Variants in CAMKMT observed in about 807,000 individuals in gnomAD.
CAMKMT encodes the protein calmodulin-lysine N-methyltransferase, also known as CaM KMT.
In CAMKMT, 53 loss-of-function variants were observed where a neutral mutation model predicts 48.0. That is an observed-to-expected ratio of 1.10 (90% CI 0.89 to 1.39). CAMKMT has a LOEUF of 1.39. CAMKMT is among the 40% of genes most tolerant of loss of function. The pLI is 0.00. For synonymous variants in CAMKMT, 165 were observed against 152.3 expected (o/e 1.08, Z -0.61); for missense variants, 428 against 402.7 (o/e 1.06, Z -0.54).
intron 3 of CAMKMT, among the ~76,000 whole-genome samples, chr2:44,493,019 G>A (rs1032693956): frequency 6.6e-6 from 1 of 151,566 alleles, no homozygotes; most frequent in Admixed American, 6.6e-5. Flanking sequence ...TCAGCCTCCT[G>A]AGTAGCTGGG....
At chr2:44,494,100 T>C (rs1435232637) in intron 3 of CAMKMT, among the ~76,000 whole-genome samples, 1 of 152,234 alleles carries the variant, frequency 6.6e-6, no homozygotes, top group Non-Finnish European at 1.5e-5. Context: ...TGTTTGCCTG[T>C]GCATTTGGAA....
intron 3 of CAMKMT, among the ~76,000 whole-genome samples, chr2:44,522,438 C>A (rs751750248): frequency 4.6e-4 from 70 of 152,224 alleles, no homozygotes; most frequent in South Asian, 2.1e-4. Context: ...ATAAGCACTT[C>A]TCTCTCTTGG....
At chr2:44,433,542 A>G (rs1572863648) in intron 3 of CAMKMT, among the ~76,000 whole-genome samples, 1 of 152,280 alleles carries the variant, frequency 6.6e-6, no homozygotes, top group South Asian at 2.1e-4. Context: ...AGAATTTGTA[A>G]CACTTTTTGC....
At position 44,553,773 on chromosome 2, in the gene CAMKMT, T is replaced by C. The variant is rs964060931; in HGVS notation, c.377-150510T>C. On this transcript the variant is annotated intron_variant, in intron 3 of 10. Transcript: ENST00000378494. ...CTGTTGCATTCTTTTTCTATTCTAATTATTGTCATGGCTCTGGTAGTATTT... is the reference window on the plus strand; with the variant it reads ...CTGTTGCATTCTTTTTCTATTCTAACTATTGTCATGGCTCTGGTAGTATTT... Among the ~76,000 whole-genome samples the C allele has an allele frequency of 2.6e-5, 4 of 152,210 alleles. No individual in the cohort carries two copies. In the East Asian group the frequency reaches 7.7e-4, roughly 29 times the overall value.
chr2:44,469,841 T>C (rs762458319), intron 3 of CAMKMT, among the ~76,000 whole-genome samples: 1 of 152,068 alleles, frequency 6.6e-6, no homozygotes, highest in Non-Finnish European at 1.5e-5. Context: ...TTTGCTCTCA[T>C]GTTCCTTCTG....
chr2:44,753,597 A>T lies in CAMKMT; in HGVS notation c.699-458A>T, dbSNP rs1238875964. 2.0e-5 allele frequency among the ~76,000 whole-genome samples: 3 copies of T among 152,160 alleles called. No individual in the cohort carries two copies. The East Asian group carries it at 5.8e-4, about 29-fold the overall frequency. Reference sequence around the variant, plus strand: ...ACCTCAGTGCTGTTTCTAGTCACTAAACTCTATTACCTCCTGAGATATATT... The same window carrying T: ...ACCTCAGTGCTGTTTCTAGTCACTATACTCTATTACCTCCTGAGATATATT... On this transcript the variant is annotated intron_variant, in intron 8 of 10. Coordinates refer to ENST00000378494, the MANE Select transcript of CAMKMT (RefSeq NM_024766.5).
At chr2:44,403,266 A>C (rs143226091) in intron 3 of CAMKMT, among the ~76,000 whole-genome samples, 1 of 152,206 alleles carries the variant, frequency 6.6e-6, no homozygotes, top group East Asian at 1.9e-4. Context: ...GTCCTCAGTT[A>C]CTCAACCCCC....
chr2:44,558,062 CATTCATTCA>C (rs1668115519), intron 3 of CAMKMT, among the ~76,000 whole-genome samples: 1 of 151,770 alleles, frequency 6.6e-6, no homozygotes, highest in South Asian at 2.1e-4. Context: ...TTCATTCATT[CATTCATTCA>C]TTCGATGAGA....
intron 6 of CAMKMT, among the ~76,000 whole-genome samples, chr2:44,708,211 A>AATTTT (rs540349486): frequency 2.9e-5 from 2 of 68,180 alleles, no homozygotes; most frequent in African/African-American, 1.2e-4. Context: ...TTTGCTTTGG[A>AATTTT]TTTTTTTTTT....
At chr2:44,387,956 C>T (rs1349985875) in intron 2 of CAMKMT, among the ~76,000 whole-genome samples, 1 of 152,170 alleles carries the variant, frequency 6.6e-6, no homozygotes, top group African/African-American at 2.4e-5. Flanking sequence ...CCTCACAGCT[C>T]TTAAGAGTCT....
rs1197760986 is a variant in CAMKMT, at chr2:44,715,343, A to C, written c.613A>C (p.Ile205Leu). Residue 205 changes from isoleucine to leucine, a missense_variant, in exon 7 of 11, where the codon ATA becomes CTA. Transcript: ENST00000378494. ...QKAGVFKTQK[I>L]SSCVLRWDNE... The stretch of plus-strand genomic sequence containing the variant: ...GGCTGGTGTGTTTAAGACCCAGAAA[A>C]TATCAAGCTGGTAAGATACCTTTCT... The C allele has an allele frequency of 6.2e-7, 1 of 1,612,740 alleles. No individual in the cohort carries two copies. Among genetic ancestry groups the C allele is most frequent in the South Asian group, 1.1e-5 (1 of 91,042 alleles).
intron 3 of CAMKMT, among the ~76,000 whole-genome samples, chr2:44,411,029 C>G (rs1213073962): frequency 6.6e-6 from 1 of 152,082 alleles, no homozygotes; most frequent in Admixed American, 6.5e-5. Flanking sequence ...CTTTTGAATA[C>G]CCATCTTGAG....
intron 3 of CAMKMT, among the ~76,000 whole-genome samples, chr2:44,553,581 G>C (rs8179847): frequency 3.9e-5 from 6 of 152,202 alleles, no homozygotes; most frequent in African/African-American, 1.4e-4. Flanking sequence ...GGCTGATCTC[G>C]AATTCCTGGC....
chr2:44,516,037 G>T (rs1160286331), intron 3 of CAMKMT, among the ~76,000 whole-genome samples: 2 of 152,074 alleles, frequency 1.3e-5, no homozygotes, highest in East Asian at 1.9e-4. Flanking sequence ...CCAAGCTTCT[G>T]TCAGGAAATA....
intron 2 of CAMKMT, among the ~76,000 whole-genome samples, chr2:44,383,817 T>G (rs1007669994): frequency 1.3e-5 from 2 of 152,112 alleles, no homozygotes; most frequent in Non-Finnish European, 2.9e-5. Flanking sequence ...ATTCATTCCT[T>G]TGTGTAGTAT....
At chr2:44,459,129 A>T (rs1478307124) in intron 3 of CAMKMT, among the ~76,000 whole-genome samples, 1 of 152,102 alleles carries the variant, frequency 6.6e-6, no homozygotes, top group Non-Finnish European at 1.5e-5. Context: ...TAGGAATAGT[A>T]CCCTTTTCAG....
intron 3 of CAMKMT, among the ~76,000 whole-genome samples, chr2:44,439,775 C>T (rs1666524492): frequency 6.7e-6 from 1 of 149,944 alleles, no homozygotes; most frequent in Admixed American, 6.7e-5. Flanking sequence ...GAGAGCAAGA[C>T]TCCATCTCAT....
intron 3 of CAMKMT, among the ~76,000 whole-genome samples, chr2:44,651,291 T>C (rs749863872): frequency 6.6e-6 from 1 of 152,256 alleles, no homozygotes; most frequent in East Asian, 1.9e-4. Context: ...GAAAGTAGAA[T>C]AGTCAACTGA....
intron 3 of CAMKMT, among the ~76,000 whole-genome samples, chr2:44,539,789 A>T (rs553317446): frequency 6.6e-6 from 1 of 152,240 alleles, no homozygotes; most frequent in South Asian, 2.1e-4. Context: ...CACTTTTGGC[A>T]AGCATATTAC....
Sources: allele counts gnomAD v4.1 joint callset (sites outside exome capture counted in the v4.1 genomes callset), GRCh38; gene constraint gnomAD v4.1.1; transcripts MANE v1.5; gene names NCBI Gene and HGNC (gene_info 2026-07-23, HGNC 2026-07-21).